ZNF616: variants seen among roughly 807,000 people sequenced by gnomAD.
ZNF616 encodes zinc finger protein 616.
Under a neutral mutation model 7.6 loss-of-function variants are expected in ZNF616, and 5 were observed. That is an observed-to-expected ratio of 0.66 (90% CI 0.34 to 1.38). ZNF616 has a LOEUF of 1.38. Ranked by LOEUF, ZNF616 falls within the 40% of genes most tolerant of loss-of-function variation. The probability of loss-of-function intolerance (pLI) is 0.04; values close to 1 mark genes in which losing one functional copy is unlikely to be tolerated. For missense variants in ZNF616, 913 were observed against 948.3 expected, an observed-to-expected ratio of 0.96 and a Z score of 0.49; for synonymous variants, 319 against 317.2, an observed-to-expected ratio of 1.01 and a Z score of -0.06.
At position 52,116,576 on chromosome 19, in the gene ZNF616, C is replaced by G. The variant is rs148566131; in HGVS notation, c.588G>C (p.Ala196=). 2,907 of 1,613,984 alleles carry G rather than the reference C, an allele frequency of 1.8e-3. 5 individuals carry two copies. The highest frequency in any genetic ancestry group is 2.2e-3 in the Non-Finnish European group (2,539 of 1,179,956). ...TCTGATGATTAATAAGGCTGGAAGA[C>G]GCTTTAAAGGCTTTGCCACATTCAT... ...VCNECGKAFK[A]SSSLINHQRI... is the part of the protein sequence containing the mutation. Residue 196 remains alanine (A), a synonymous_variant, in exon 4 of 4, where the codon GCG becomes GCC. Transcript: ENST00000600228.
In ZNF616 at chr19:52,114,676, C is replaced by A. The variant is rs527403136; in HGVS notation, c.*142G>T. The A allele has an allele frequency of 4.1e-6, 4 of 980,426 alleles. No homozygotes were observed. The highest frequency in any genetic ancestry group is 3.3e-5 in the African/African-American group (2 of 60,638). The allele number at this position is 980,426 out of a possible 1,614,324, so 60.7% of individuals were successfully genotyped here. A position where few individuals can be genotyped will look rare whatever the true frequency, so the allele number is the denominator to read the frequency against. On this transcript the variant is annotated 3_prime_UTR_variant, in exon 4 of 4. Coordinates refer to ENST00000600228, the MANE Select transcript of ZNF616 (RefSeq NM_178523.5). Reference sequence around the variant, plus strand: ...CTTTCTCAGTTTGAGAAATCCACTTCCATGATTCAATCACCTCCCAATGGG... The same window carrying A: ...CTTTCTCAGTTTGAGAAATCCACTTACATGATTCAATCACCTCCCAATGGG...
chr19:52,128,342 G>T (rs963813615), intron 2 of ZNF616, among the ~76,000 whole-genome samples: 3 of 152,000 alleles, frequency 2.0e-5, no homozygotes, highest in Non-Finnish European at 4.4e-5. Flanking sequence ...TTCATTCTTT[G>T]CTCAGTTTTC....
At position 52,115,390 on chromosome 19, in the gene ZNF616, G is replaced by T. The variant is rs1369369969; in HGVS notation, c.1774C>A (p.Leu592Ile). 2 of 1,614,122 alleles carry T rather than the reference G, an allele frequency of 1.2e-6. No individual in the cohort carries two copies. Among genetic ancestry groups the T allele is most frequent in the Non-Finnish European group, 1.7e-6 (2 of 1,180,016 alleles). Residue 592 changes from leucine (L) to isoleucine (I), a missense_variant, in exon 4 of 4, where the codon CTT becomes ATT. Coordinates refer to ENST00000600228, the MANE Select transcript of ZNF616 (RefSeq NM_178523.5). ...GTATGAACTCTTCGATGCCCTACAA[G>T]ATGTGAATACTGACTGTAGACCTTG... ...CGKVYSQYSHLVGHRRVHTGE... is the reference protein window; with the variant it reads ...CGKVYSQYSHIVGHRRVHTGE...
At chr19:52,122,695 C>T (rs1243766098) in intron 3 of ZNF616, among the ~76,000 whole-genome samples, 4 of 147,602 alleles carry the variant, frequency 2.7e-5, no homozygotes, top group Non-Finnish European at 4.5e-5. Context: ...AGTGCAGTGG[C>T]GCAATCTCTG....
Position 52,116,150 on chromosome 19 carries a change from T to C in ZNF616, c.1014A>G (p.Ser338=). The part of the protein sequence containing the change: ...NECGKTFKRS[S]NLTVHQVIHA... ...GGATTACCTGATGTACAGTGAGGTT[T>C]GAGCTCCGTTTAAAGGTTTTGCCAC... is the stretch of plus-strand genomic sequence containing the variant. Residue 338 remains serine, a synonymous_variant, in exon 4 of 4, where the codon TCA becomes TCG. Coordinates refer to ENST00000600228, the MANE Select transcript of ZNF616 (RefSeq NM_178523.5). 2.5e-6 allele frequency: 4 copies of C among 1,614,198 alleles called. No homozygotes were observed. Among genetic ancestry groups the C allele is most frequent in the Non-Finnish European group, 3.4e-6 (4 of 1,180,014 alleles).
In ZNF616 at chr19:52,115,451, A is replaced by G; in HGVS notation, c.1713T>C (p.His571=). 5 of 1,614,044 alleles carry G rather than the reference A, an allele frequency of 3.1e-6. No homozygotes were observed. Among genetic ancestry groups the G allele is most frequent in the Non-Finnish European group, 4.2e-6 (5 of 1,180,018 alleles). ...TGCATTTGTAAGGTTTCTCTCCACT[A>G]TGAATTCTCCGATGCACTGTAAGAC... is the stretch of plus-strand genomic sequence containing the variant. The part of the protein sequence containing the change: ...CSRLTVHRRI[H]SGEKPYKCNE... The change falls in exon 4 of 4, where the codon CAT becomes CAC. Residue 571 remains histidine, a synonymous_variant. Transcript: ENST00000600228.
chr19:52,135,295 A>C (rs1363572345), intron 1 of ZNF616, among the ~76,000 whole-genome samples: 1 of 152,018 alleles, frequency 6.6e-6, no homozygotes, highest in East Asian at 1.9e-4. Context: ...ATACCTGAGG[A>C]CTCAATGACC....
At chr19:52,126,406 T>TA in intron 2 of ZNF616, among the ~76,000 whole-genome samples, 1 of 152,082 alleles carries the variant, frequency 6.6e-6, no homozygotes, top group East Asian at 1.9e-4. Flanking sequence ...CACATGCCTG[T>TA]AATCTGAGGC....
At chr19:52,125,174 C>T (rs900210827) in intron 2 of ZNF616, among the ~76,000 whole-genome samples, 1 of 152,188 alleles carries the variant, frequency 6.6e-6, no homozygotes, top group Admixed American at 6.5e-5. Flanking sequence ...CATTCCATCC[C>T]AATGGCCCCC....
chr19:52,114,934 G>C lies in ZNF616; in HGVS notation c.2230C>G (p.Pro744Ala). ...KHQRIHSGKKPYKCNECGKSF... is the reference protein window; with the variant it reads ...KHQRIHSGKKAYKCNECGKSF... ...TTCCCACACTCATTACATTTATAAGGTTTTTTGCCAGAATGAATTCTTTGG... is the reference window on the plus strand; with the variant it reads ...TTCCCACACTCATTACATTTATAAGCTTTTTTGCCAGAATGAATTCTTTGG... The change falls in exon 4 of 4, where the codon CCT (proline) becomes GCT (alanine). Residue 744 changes from proline to alanine, a missense_variant. Transcript: ENST00000600228. 1 of 1,614,110 alleles carries C rather than the reference G, an allele frequency of 6.2e-7. No homozygotes were observed. Among genetic ancestry groups the C allele is most frequent in the Non-Finnish European group, 8.5e-7 (1 of 1,180,004 alleles).
chr19:52,124,166 ATCTGTGAG>A, intron 2 of ZNF616, 117 bp from the exon 3 acceptor site: 1 of 1,337,222 alleles, frequency 7.5e-7, no homozygotes, highest in Non-Finnish European at 1.0e-6. Context: ...TCTATATGGC[ATCTGTGAG>A]AAAGTTATTG....
At chr19:52,125,826 A>G (rs190788981) in intron 2 of ZNF616, among the ~76,000 whole-genome samples, 6 of 152,356 alleles carry the variant, frequency 3.9e-5, no homozygotes, top group Admixed American at 3.9e-4. Flanking sequence ...GAGCAAAAAG[A>G]TAACTGACGT....
chr19:52,124,940 G>A (rs140545172), intron 2 of ZNF616, among the ~76,000 whole-genome samples: 2 of 152,222 alleles, frequency 1.3e-5, no homozygotes, highest in Non-Finnish European at 1.5e-5. Context: ...AGTGAACTCC[G>A]TAGGATAAGC....
At chr19:52,126,062 G>C (rs1600125257) in intron 2 of ZNF616, among the ~76,000 whole-genome samples, 1 of 152,128 alleles carries the variant, frequency 6.6e-6, no homozygotes, top group Non-Finnish European at 1.5e-5. Flanking sequence ...CCTGAACAAA[G>C]CAGCCACCAA....
Position 52,115,174 on chromosome 19 carries a change from T to G in ZNF616, c.1990A>C (p.Asn664His), listed in dbSNP as rs1568557561. Residue 664 changes from asparagine to histidine, a missense_variant, in exon 4 of 4, where the codon AAT becomes CAT. Asn to His is a moderately conservative substitution (Grantham distance 68). Coordinates refer to ENST00000600228, the MANE Select transcript of ZNF616 (RefSeq NM_178523.5). ...VHTGDRPYKC[N>H]ECGKTFKRSS... ...CGTTTAAAGGTTTTGCCACACTCAT[T>G]ACATTTGTAAGGTCTGTCTCCAGTA... 2 of 1,614,176 alleles carry G rather than the reference T, an allele frequency of 1.2e-6. No individual in the cohort carries two copies. Among genetic ancestry groups the G allele is most frequent in the Non-Finnish European group, 8.5e-7 (1 of 1,180,030 alleles).
At chr19:52,117,133 G>C in intron 3 of ZNF616, 109 bp from the exon 4 acceptor site, 1 of 891,620 alleles carries the variant, frequency 1.1e-6, no homozygotes, top group Non-Finnish European at 1.6e-6. Flanking sequence ...TACTAGACAG[G>C]TGTGAGAGTT....
intron 2 of ZNF616, among the ~76,000 whole-genome samples, chr19:52,128,670 A>G (rs2088930611): frequency 6.7e-6 from 1 of 150,230 alleles, no homozygotes; most frequent in African/African-American, 2.5e-5. Flanking sequence ...TGAACCTGGG[A>G]GGCGGAGGCT....
At chr19:52,119,325 G>A (rs1210469879) in intron 3 of ZNF616, among the ~76,000 whole-genome samples, 4 of 149,218 alleles carry the variant, frequency 2.7e-5, no homozygotes, top group East Asian at 2.0e-4. Context: ...ACAGTGAGCC[G>A]AGATCACACC....
At chr19:52,132,922 T>A (rs141858383) in intron 1 of ZNF616, among the ~76,000 whole-genome samples, 294 of 152,282 alleles carry the variant, frequency 1.9e-3, no homozygotes, top group South Asian at 9.5e-3. Flanking sequence ...GCCATGAGTC[T>A]TTCCCACATT....
Sources: gnomAD v4.1 joint callset for allele counts (sites outside exome capture counted in the v4.1 genomes callset) on GRCh38, gnomAD v4.1.1 for gene constraint, MANE v1.5 for transcripts, NCBI Gene and HGNC (gene_info 2026-07-23, HGNC 2026-07-21) for gene names.